EIPR1: variants seen among roughly 807,000 people sequenced by gnomAD.
The protein encoded by EIPR1 is EARP complex and GARP complex interacting protein 1.
A neutral mutation model predicts 48.1 loss-of-function variants in EIPR1; 25 were observed. The observed-to-expected ratio is 0.52, with a 90% CI of 0.38 to 0.73. EIPR1 has a LOEUF of 0.73. Ranked by LOEUF, EIPR1 falls within the 30% of genes least tolerant of loss-of-function variation. The probability of loss-of-function intolerance (pLI) is 0.00; values close to 1 mark genes in which losing one functional copy is unlikely to be tolerated. For synonymous variants in EIPR1, 204 were observed against 201.9 expected, an observed-to-expected ratio of 1.01 and a Z score of -0.09; for missense variants, 415 against 506.2, an observed-to-expected ratio of 0.82 and a Z score of 1.73.
rs764415417 is a variant in EIPR1, at chr2:3,192,541, C to G, written c.862G>C (p.Val288Leu). 38 of 1,612,708 alleles carry G rather than the reference C, an allele frequency of 2.4e-5. 1 individual carries two copies. The highest frequency in any genetic ancestry group is 1.5e-4 in the South Asian group (14 of 90,952). The change falls in exon 8 of 9, where the codon GTC becomes CTC. Residue 288 changes from valine to leucine, a missense_variant. Physicochemically the swap from Val to Leu is conservative, Grantham distance 32. Coordinates refer to ENST00000382125, the MANE Select transcript of EIPR1 (RefSeq NM_003310.5). ...CTGCTGTCACTGCTGCCCGTGAGGA[C>G]CAGCTGGTCATGAGAGTGGTTGTAG... ...VRYNHSHDQL[V>L]LTGSSDSRVI... is the part of the protein sequence containing the mutation.
At chr2:3,287,084 G>A (rs1462323130) in intron 3 of EIPR1, among the ~76,000 whole-genome samples, 1 of 152,164 alleles carries the variant, frequency 6.6e-6, no homozygotes, top group Non-Finnish European at 1.5e-5. Flanking sequence ...GGCAGAGGGG[G>A]TGGTGGGGAG....
At chr2:3,206,213 G>A (rs1665230122) in intron 5 of EIPR1, among the ~76,000 whole-genome samples, 1 of 152,212 alleles carries the variant, frequency 6.6e-6, no homozygotes. Flanking sequence ...ATACCTGGCT[G>A]CCAGGGCTCC....
chr2:3,373,826 G>A (rs1659775174), intron 1 of EIPR1, among the ~76,000 whole-genome samples: 1 of 151,596 alleles, frequency 6.6e-6, no homozygotes, highest in Non-Finnish European at 1.5e-5. Flanking sequence ...TAGATTCAAT[G>A]CCATCCCCAT....
chr2:3,201,495 G>A (rs575038425), intron 5 of EIPR1, among the ~76,000 whole-genome samples: 2 of 152,270 alleles, frequency 1.3e-5, no homozygotes, highest in East Asian at 3.9e-4. Context: ...TGCGGGAGGC[G>A]GGCTCCCAGA....
In EIPR1 at chr2:3,365,219, C is replaced by T. The variant is rs1309317538; in HGVS notation, c.43-10586G>A. On this transcript the variant is annotated intron_variant, in intron 1 of 8. Transcript: ENST00000382125. ...GTAAGAGGCCAAGGCGGAAAGATTG[C>T]TTGAGCCCAAAAGTTCAAGACCAGC... Among the ~76,000 whole-genome samples the T allele has an allele frequency of 5.3e-5, 8 of 152,032 alleles. No individual in the cohort carries two copies. In the East Asian group the frequency reaches 7.7e-4, roughly 15 times the overall value.
chr2:3,191,754 A>G (rs1231925739), intron 8 of EIPR1, among the ~76,000 whole-genome samples: 9 of 152,214 alleles, frequency 5.9e-5, no homozygotes, highest in Non-Finnish European at 1.2e-4. Context: ...CGCTGACCAG[A>G]GGCGGGCATG....
intron 1 of EIPR1, among the ~76,000 whole-genome samples, chr2:3,367,031 C>T (rs964658227): frequency 7.4e-5 from 11 of 149,618 alleles, no homozygotes; most frequent in Admixed American, 6.0e-4. Flanking sequence ...GGCCACACAG[C>T]GAGACTCTGT....
chr2:3,239,255 C>A (rs1199528076), intron 4 of EIPR1, among the ~76,000 whole-genome samples: 2 of 152,168 alleles, frequency 1.3e-5, no homozygotes, highest in African/African-American at 2.4e-5. Context: ...GGGTATGGGC[C>A]AGTTCACAAA....
In EIPR1 at chr2:3,284,796, C is replaced by T. The variant is rs540326977; in HGVS notation, c.260-27341G>A. 6.6e-5 allele frequency among the ~76,000 whole-genome samples: 10 copies of T among 152,064 alleles called. No homozygotes were observed. In the East Asian group the frequency reaches 1.9e-3, roughly 29 times the overall value. On this transcript the variant is annotated intron_variant, in intron 3 of 8. Transcript: ENST00000382125. ...TCCGCTTGTGGCAGGAAGGAGCACACAGTTGGGAAAGGGGGGCCCGCCAGC... is the reference window on the plus strand; with the variant it reads ...TCCGCTTGTGGCAGGAAGGAGCACATAGTTGGGAAAGGGGGGCCCGCCAGC...
intron 3 of EIPR1, among the ~76,000 whole-genome samples, chr2:3,281,129 C>G (rs370832707): frequency 4.6e-5 from 7 of 152,182 alleles, no homozygotes; most frequent in African/African-American, 1.7e-4. Context: ...ACACCACACT[C>G]CCTGGTCTTT....
chr2:3,374,097 TTGACAAACC>T (rs1659789716), intron 1 of EIPR1, among the ~76,000 whole-genome samples: 1 of 146,776 alleles, frequency 6.8e-6, no homozygotes, highest in African/African-American at 2.5e-5. Context: ...TATCTGATCT[TTGACAAACC>T]TGACAAAAAC....
chr2:3,340,957 C>T (rs1042468943), intron 2 of EIPR1, among the ~76,000 whole-genome samples: 5 of 151,556 alleles, frequency 3.3e-5, no homozygotes, highest in African/African-American at 7.3e-5. Context: ...ATTAGCCGGG[C>T]GTAGTGGCAG....
At position 3,214,125 on chromosome 2, in the gene EIPR1, C is replaced by T. The variant is rs3762596; in HGVS notation, c.516+24G>A. 1.7e-3 allele frequency: 2,772 copies of T among 1,595,796 alleles called. 86 individuals carry two copies. The East Asian group carries it at 0.055, about 32-fold the overall frequency. On this transcript the variant is annotated intron_variant, in intron 5 of 8. Transcript: ENST00000382125. Reference sequence around the variant, plus strand: ...TTTGGTTTAAAAATACAGAAACAAACGCTGTGTTGTTGCTTTTACTTACCA... The same window carrying T: ...TTTGGTTTAAAAATACAGAAACAAATGCTGTGTTGTTGCTTTTACTTACCA...
chr2:3,295,397 TACAC>T (rs1668529972), intron 3 of EIPR1, among the ~76,000 whole-genome samples: 1 of 88,092 alleles, frequency 1.1e-5, no homozygotes, highest in Non-Finnish European at 2.2e-5. Flanking sequence ...CTATCCTCTC[TACAC>T]ACACACCCTC....
At chr2:3,289,072 T>C (rs985281687) in intron 3 of EIPR1, among the ~76,000 whole-genome samples, 1 of 152,232 alleles carries the variant, frequency 6.6e-6, no homozygotes, top group African/African-American at 2.4e-5. Flanking sequence ...TAATTGCCCA[T>C]TTGCTTTCTT....
chr2:3,260,507 AAGGGAGGG>A (rs544255402), intron 3 of EIPR1, among the ~76,000 whole-genome samples: 16 of 49,096 alleles, frequency 3.3e-4, no homozygotes, highest in Non-Finnish European at 4.9e-4. Context: ...TGAAGGAAGG[AAGGGAGGG>A]AGGGAGGGAG....
chr2:3,323,529 G>A lies in EIPR1; in HGVS notation c.259+14488C>T, dbSNP rs115233818. Among the ~76,000 whole-genome samples, 1,062 of 152,310 alleles carry A rather than the reference G, an allele frequency of 7.0e-3. 13 individuals carry two copies. The highest frequency in any genetic ancestry group is 0.025 in the African/African-American group (1,022 of 41,550). Reference sequence around the variant, plus strand: ...CTGCATTTTCTCCTTGTGGCCTCGGGGCACAGGTCCACGATGGACATGGGC... The same window carrying A: ...CTGCATTTTCTCCTTGTGGCCTCGGAGCACAGGTCCACGATGGACATGGGC... On this transcript the variant is annotated intron_variant, in intron 3 of 8. Coordinates refer to ENST00000382125, the MANE Select transcript of EIPR1 (RefSeq NM_003310.5).
chr2:3,251,476 C>T (rs1666999035), intron 4 of EIPR1, among the ~76,000 whole-genome samples: 2 of 152,098 alleles, frequency 1.3e-5, no homozygotes, highest in Admixed American at 6.5e-5. Context: ...CCACAACCAC[C>T]CCCACTCCAC....
chr2:3,321,049 T>C (rs765993580), intron 3 of EIPR1, among the ~76,000 whole-genome samples: 3 of 152,182 alleles, frequency 2.0e-5, no homozygotes, highest in Non-Finnish European at 4.4e-5. Context: ...TTATCTAACA[T>C]ATCTGAACAG....
Sources: allele counts gnomAD v4.1 joint callset (sites outside exome capture counted in the v4.1 genomes callset), GRCh38; gene constraint gnomAD v4.1.1; transcripts MANE v1.5; gene names NCBI Gene and HGNC (gene_info 2026-07-23, HGNC 2026-07-21).